The following SAXO1 variants were observed in gnomAD, a reference collection of about 807,000 sequenced individuals.
The protein encoded by SAXO1 is stabilizer of axonemal microtubules 1, also known as 4930500O09Rik.
In SAXO1, 21 loss-of-function variants were observed where a neutral mutation model predicts 17.5. The observed-to-expected ratio is 1.20, with a 90% confidence interval of 0.85 to 1.72. SAXO1 has a LOEUF of 1.72. SAXO1 is among the 40% of genes most tolerant of loss of function. SAXO1 has a pLI of 0.00. For synonymous variants in SAXO1, 274 were observed against 216.5 expected, an observed-to-expected ratio of 1.27 and a Z score of -2.33; for missense variants, 843 against 596.0, an observed-to-expected ratio of 1.41 and a Z score of -4.32.
intron 1 of SAXO1, among the ~76,000 whole-genome samples, chr9:18,970,463 T>C (rs527321300): frequency 2.0e-5 from 3 of 152,300 alleles, no homozygotes; most frequent in Non-Finnish European, 4.4e-5. Context: ...AAGCAGTTCA[T>C]AAAAGACTCC....
At chr9:19,010,475 T>G (rs1000186092) in intron 1 of SAXO1, among the ~76,000 whole-genome samples, 1 of 147,670 alleles carries the variant, frequency 6.8e-6, no homozygotes, top group African/African-American at 2.5e-5. Flanking sequence ...TCCATATTTC[T>G]AGGAAAAAAA....
intron 1 of SAXO1, among the ~76,000 whole-genome samples, chr9:19,043,529 G>A (rs937979374): frequency 2.0e-5 from 3 of 152,150 alleles, no homozygotes; most frequent in African/African-American, 7.2e-5. Flanking sequence ...CACTTTGGGA[G>A]GCCAAGGCGG....
chr9:19,002,375 T>G (rs923672854), intron 1 of SAXO1, among the ~76,000 whole-genome samples: 4 of 152,288 alleles, frequency 2.6e-5, no homozygotes, highest in Admixed American at 1.3e-4. Flanking sequence ...AAAGAGGGAC[T>G]CCTCTCTCAC....
At chr9:19,032,673 G>T (rs936786985) in intron 1 of SAXO1, among the ~76,000 whole-genome samples, 198 bp downstream of exon 1, 1 of 152,204 alleles carries the variant, frequency 6.6e-6, no homozygotes. Flanking sequence ...CAGAAGGCCC[G>T]AAAACAGCCA....
intron 1 of SAXO1, among the ~76,000 whole-genome samples, chr9:18,977,357 G>T (rs1183659764): frequency 7.0e-6 from 1 of 142,884 alleles, no homozygotes; most frequent in Non-Finnish European, 1.6e-5. Flanking sequence ...TTTACCACAT[G>T]CTGGGCATAC....
At chr9:18,961,899 T>C (rs887714411) in intron 1 of SAXO1, among the ~76,000 whole-genome samples, 4 of 152,182 alleles carry the variant, frequency 2.6e-5, no homozygotes, top group Admixed American at 1.3e-4. Flanking sequence ...TTCTAGATCC[T>C]TGAGGAATTG....
intron 1 of SAXO1, among the ~76,000 whole-genome samples, chr9:18,994,327 T>C (rs147212740): frequency 2.0e-4 from 31 of 152,300 alleles, no homozygotes; most frequent in Non-Finnish European, 3.7e-4. Flanking sequence ...ACGTAAAAGA[T>C]GGATGGGTTA....
At chr9:18,944,176 G>C (rs1160902840) in intron 2 of SAXO1, among the ~76,000 whole-genome samples, 3 of 147,812 alleles carry the variant, frequency 2.0e-5, no homozygotes, top group Non-Finnish European at 4.5e-5. Context: ...TTATTGATCA[G>C]CCATAACTAA....
intron 1 of SAXO1, among the ~76,000 whole-genome samples, chr9:19,022,463 C>T (rs1333802523): frequency 3.9e-5 from 6 of 152,174 alleles, no homozygotes. Context: ...AGATAAAGAA[C>T]AGGGTATTCA....
intron 1 of SAXO1, among the ~76,000 whole-genome samples, chr9:18,956,036 G>A (rs185279549): frequency 4.0e-5 from 6 of 151,662 alleles, no homozygotes; most frequent in African/African-American, 1.2e-4. Flanking sequence ...AAATTCCTGG[G>A]CTCAAGCAAT....
At chr9:19,034,012 T>C (rs2131060183), upstream of SAXO1, among the ~76,000 whole-genome samples, 1 of 152,238 alleles carries the variant, frequency 6.6e-6, no homozygotes, top group East Asian at 1.9e-4. Context: ...CATCAAAACC[T>C]CTAGTCCGGG....
chr9:19,000,551 G>A (rs1296471788), intron 1 of SAXO1, among the ~76,000 whole-genome samples: 1 of 152,014 alleles, frequency 6.6e-6, no homozygotes, highest in African/African-American at 2.4e-5. Flanking sequence ...GAAATGAGGA[G>A]CACCTCTGCC....
At chr9:18,955,607 G>A (rs1430227719) in intron 1 of SAXO1, among the ~76,000 whole-genome samples, 3 of 152,200 alleles carry the variant, frequency 2.0e-5, no homozygotes, top group Admixed American at 6.5e-5. Flanking sequence ...TCTCTGACCT[G>A]TCTTCATATG....
chr9:19,029,000 T>G, intron 1 of SAXO1, among the ~76,000 whole-genome samples: 1 of 152,220 alleles, frequency 6.6e-6, no homozygotes, highest in East Asian at 1.9e-4. Flanking sequence ...CAGGCTGATT[T>G]GGTTTAACCC....
At chr9:18,986,271 C>T (rs998564243) in intron 1 of SAXO1, among the ~76,000 whole-genome samples, 42 of 152,180 alleles carry the variant, frequency 2.8e-4, no homozygotes, top group Admixed American at 2.7e-3. Flanking sequence ...TTTTCATACA[C>T]AGACAAACAG....
intron 1 of SAXO1, among the ~76,000 whole-genome samples, chr9:19,042,630 A>C (rs1188222172): frequency 6.6e-6 from 1 of 152,184 alleles, no homozygotes; most frequent in African/African-American, 2.4e-5. Flanking sequence ...TGGGAGGCCA[A>C]GGCAGGCGGA....
chr9:18,999,051 T>G (rs1044450865), intron 1 of SAXO1, among the ~76,000 whole-genome samples: 1 of 152,222 alleles, frequency 6.6e-6, no homozygotes, highest in Non-Finnish European at 1.5e-5. Context: ...CATCAATTAA[T>G]GTGCAAAATA....
intron 1 of SAXO1, among the ~76,000 whole-genome samples, chr9:18,972,761 T>C (rs760219886): frequency 3.9e-5 from 6 of 152,224 alleles, no homozygotes; most frequent in South Asian, 2.1e-4. Context: ...TCTTTCCTTA[T>C]ACTCTCCTCT....
rs918641655 is a variant in SAXO1, at chr9:18,950,851, G to T, written c.125C>A (p.Pro42His). ...TCTGGGCAGGTAGGAGTGATAGAAAGGGTAGTTCTCGGTATATTCGGAGAG... is the reference window on the plus strand; with the variant it reads ...TCTGGGCAGGTAGGAGTGATAGAAATGGTAGTTCTCGGTATATTCGGAGAG... ...CLLSEYTENY[P>H]FYHSYLPRES... The change falls in exon 2 of 4, where the codon CCT becomes CAT. Residue 42 changes from proline to histidine, a missense_variant. Coordinates refer to ENST00000380534, the MANE Select transcript of SAXO1 (RefSeq NM_153707.4). 2.5e-6 allele frequency: 4 copies of T among 1,613,722 alleles called. No individual in the cohort carries two copies. In the South Asian group the frequency reaches 3.3e-5, roughly 13 times the overall value.
Sources: allele counts gnomAD v4.1 joint callset (sites outside exome capture counted in the v4.1 genomes callset), GRCh38; gene constraint gnomAD v4.1.1; transcripts MANE v1.5; gene names NCBI Gene and HGNC (gene_info 2026-07-23, HGNC 2026-07-21).